The following ASB6 variants were observed in gnomAD, a reference collection of about 807,000 sequenced individuals.
The protein encoded by ASB6 is ankyrin repeat and SOCS box protein 6.
A neutral mutation model predicts 28.6 loss-of-function variants in ASB6; 24 were observed. The ratio of observed to expected loss-of-function variants is 0.84; its 90% confidence interval spans 0.61 to 1.18. ASB6 has a LOEUF of 1.18. Ranked by LOEUF, ASB6 falls within the 50% of genes most tolerant of loss-of-function variation. The pLI, the probability that ASB6 is intolerant of heterozygous loss-of-function variation, is 0.00. For synonymous variants in ASB6, 267 were observed against 243.4 expected (o/e 1.10, Z -0.90); for missense variants, 519 against 559.8 (o/e 0.93, Z 0.74).
intron 1 of ASB6, 25 bp downstream of exon 1, chr9:129,641,862 C>A: frequency 6.4e-7 from 1 of 1,569,680 alleles, no homozygotes; most frequent in Non-Finnish European, 8.6e-7. Flanking sequence ...CGGCCTCGGC[C>A]AGCTCACGGG....
Position 129,635,657 on chromosome 9 carries a change from A to C in ASB6, c.*2133T>G. ...GACCCGGCGGGGAGGGTGCTGCTGAACCAGCGGTGAGGCAGGAGCCCAGAC... is the reference window on the plus strand; with the variant it reads ...GACCCGGCGGGGAGGGTGCTGCTGACCCAGCGGTGAGGCAGGAGCCCAGAC... On this transcript the variant is annotated 3_prime_UTR_variant, in exon 6 of 6. Transcript: ENST00000277458. 5.9e-6 allele frequency: 4 copies of C among 679,302 alleles called. No individual in the cohort carries two copies. The highest frequency in any genetic ancestry group is 9.9e-6 in the Non-Finnish European group (4 of 404,070). The allele number at this position is 679,302 out of a possible 1,614,324, so 42.1% of individuals were successfully genotyped here. A position where few individuals can be genotyped will look rare whatever the true frequency, so the allele number is the denominator to read the frequency against.
In ASB6 at chr9:129,639,283, C is replaced by G; in HGVS notation, c.430G>C (p.Ala144Pro). Residue 144 changes from alanine to proline, a missense_variant, in exon 4 of 6, where the codon GCC (alanine) becomes CCC (proline). Coordinates refer to ENST00000277458, the MANE Select transcript of ASB6 (RefSeq NM_017873.4). ...GGCAGGCGCTCAGGCTCCTCGCTGG[C>G]CAGGTCCAAGGGGCTACTCTCGTGG... is the stretch of plus-strand genomic sequence containing the variant. ...RIHESSPLDL[A>P]SEEPERLPCL... The G allele has an allele frequency of 6.2e-7, 1 of 1,612,984 alleles. No individual in the cohort carries two copies. The highest frequency in any genetic ancestry group is 8.5e-7 in the Non-Finnish European group (1 of 1,179,508).
chr9:129,635,351 C>T lies in ASB6; in HGVS notation c.*2439G>A, dbSNP rs749337017. The T allele has an allele frequency of 3.7e-6, 6 of 1,613,746 alleles. No individual in the cohort carries two copies. The highest frequency in any genetic ancestry group is 1.3e-5 in the African/African-American group (1 of 74,944). Reference sequence around the variant, plus strand: ...CGTGGACAGCAGCGTGTGCCGGGACCTTGACGTGGTCCGCAGGATCATCTG... The same window carrying T: ...CGTGGACAGCAGCGTGTGCCGGGACTTTGACGTGGTCCGCAGGATCATCTG... On this transcript the variant is annotated 3_prime_UTR_variant, in exon 6 of 6. Coordinates refer to ENST00000277458, the MANE Select transcript of ASB6 (RefSeq NM_017873.4).
chr9:129,639,363 C>G (rs138255998), intron 3 of ASB6, 39 bp downstream of exon 3: 1 of 1,601,770 alleles, frequency 6.2e-7, no homozygotes, highest in East Asian at 2.2e-5. Context: ...CAGGCCCCTG[C>G]CCAACCCTGC....
intron 1 of ASB6, chr9:129,641,025 A>T: frequency 3.1e-6 from 1 of 325,296 alleles, no homozygotes; most frequent in Non-Finnish European, 5.7e-6. Context: ...CTGGGACTGA[A>T]GGGACCACCA....
At position 129,640,657 on chromosome 9, in the gene ASB6, G is replaced by A; in HGVS notation, c.179C>T (p.Ala60Val). The change falls in exon 2 of 6, where the codon GCC becomes GTC. Residue 60 changes from alanine (A) to valine (V), a missense_variant. Coordinates refer to ENST00000277458, the MANE Select transcript of ASB6 (RefSeq NM_017873.4). ...GCCTTCCTGGTAAAAGGGAGAGTGG[G>A]CTTTCCTCTCCAGCAGCTCAGTGAG... ...LVLTELLERK[A>V]HSPFYQEGVS... 1 of 1,614,182 alleles carries A rather than the reference G, an allele frequency of 6.2e-7. No homozygotes were observed. Among genetic ancestry groups the A allele is most frequent in the East Asian group, 2.2e-5 (1 of 44,894 alleles).
rs777914336 is a variant in ASB6 at position 129,638,223 on chromosome 9, C to T, written c.833G>A (p.Arg278His). Residue 278 changes from arginine (R) to histidine (H), a missense_variant, in exon 6 of 6, where the codon CGC becomes CAC. Transcript: ENST00000277458. ...KSFKLHFPLL[R>H]FLLESGAAYN... The stretch of plus-strand genomic sequence containing the variant: ...GGCGGCTCCGGACTCCAGGAGGAAG[C>T]GCAGGAGAGGGAAGTGCAGTTTAAA... The T allele has an allele frequency of 3.7e-6, 6 of 1,613,208 alleles. No individual in the cohort carries two copies. Among genetic ancestry groups the T allele is most frequent in the African/African-American group, 1.3e-5 (1 of 74,906 alleles).
In ASB6 at chr9:129,637,812, C is replaced by G; in HGVS notation, c.1244G>C (p.Gly415Ala). Residue 415 changes from glycine (G) to alanine (A), a missense_variant, in exon 6 of 6, where the codon GGC (glycine) becomes GCC (alanine). Transcript: ENST00000277458. ...CTATCAGATGTCATCTTCCACGGAG[C>G]CACTGTGCTCGCTAAGGAGGTACCA... ...LKWYLLSEHS[G>A]SVEDDI The G allele has an allele frequency of 6.6e-7, 1 of 1,514,414 alleles. No individual in the cohort carries two copies. The highest frequency in any genetic ancestry group is 8.8e-7 in the Non-Finnish European group (1 of 1,131,934). 93.8% of individuals were successfully genotyped at this position (1,514,414 alleles called of 1,614,324 possible).
rs1481980716 is a variant in ASB6 at position 129,635,563 on chromosome 9, G to A, written c.*2227C>T. On this transcript the variant is annotated 3_prime_UTR_variant, in exon 6 of 6. Coordinates refer to ENST00000277458, the MANE Select transcript of ASB6 (RefSeq NM_017873.4). Reference sequence around the variant, plus strand: ...GCCACGCTGGCGGTTCGTGAGTGTCGAGGCACCACTAAATATAGCTGTCTG... The same window carrying A: ...GCCACGCTGGCGGTTCGTGAGTGTCAAGGCACCACTAAATATAGCTGTCTG... 14 of 1,375,448 alleles carry A rather than the reference G, an allele frequency of 1.0e-5. No homozygotes were observed. Among genetic ancestry groups the A allele is most frequent in the South Asian group, 1.3e-5 (1 of 74,350 alleles). 85.2% of individuals were successfully genotyped at this position (1,375,448 alleles called of 1,614,324 possible). A position where few individuals can be genotyped will look rare whatever the true frequency, so the allele number is the denominator to read the frequency against.
At position 129,637,715 on chromosome 9, in the gene ASB6, C is replaced by T; in HGVS notation, c.*75G>A. On this transcript the variant is annotated 3_prime_UTR_variant, in exon 6 of 6. Transcript: ENST00000277458. ...TCTCCCAGATCAAAAAGACCCTCTT[C>T]TAATGCTGTCCCAGCATCTACCAAC... 7.2e-7 allele frequency: 1 copy of T among 1,387,518 alleles called. No homozygotes were observed. The highest frequency in any genetic ancestry group is 1.4e-5 in the African/African-American group (1 of 69,128). 86.0% of individuals were successfully genotyped at this position (1,387,518 alleles called of 1,614,324 possible). A position where few individuals can be genotyped will look rare whatever the true frequency, so the allele number is the denominator to read the frequency against.
chr9:129,639,946 G>C (rs543930476), intron 2 of ASB6, among the ~76,000 whole-genome samples: 2 of 152,262 alleles, frequency 1.3e-5, no homozygotes, highest in South Asian at 2.1e-4. Context: ...GCCCGTCTTC[G>C]GATGGGGAAA....
intron 4 of ASB6, 41 bp downstream of exon 4, chr9:129,639,161 T>A: frequency 6.4e-7 from 1 of 1,557,540 alleles, no homozygotes; most frequent in Non-Finnish European, 8.7e-7. Flanking sequence ...ACAAGGTGCC[T>A]GGGGGCCCAG....
At position 129,638,092 on chromosome 9, in the gene ASB6, G is replaced by T. The variant is rs761209551; in HGVS notation, c.964C>A (p.Leu322Ile). Reference protein sequence around the residue: ...GCTEDESHADLLRKAETVLDL... With the variant: ...GCTEDESHADILRKAETVLDL... Reference sequence around the variant, plus strand: ...AGGACAGTCTCAGCTTTGCGCAGGAGGTCCGCATGGCTCTCGTCTTCCGTG... The same window carrying T: ...AGGACAGTCTCAGCTTTGCGCAGGATGTCCGCATGGCTCTCGTCTTCCGTG... The change falls in exon 6 of 6, where the codon CTC becomes ATC. Residue 322 changes from leucine (L) to isoleucine (I), a missense_variant. By Grantham distance (5) the Leu-to-Ile change is conservative. Transcript: ENST00000277458. The T allele has an allele frequency of 1.5e-5, 25 of 1,614,102 alleles. No homozygotes were observed. The African/African-American group carries it at 2.4e-4, about 16-fold the overall frequency.
chr9:129,635,570 C>T lies in ASB6; in HGVS notation c.*2220G>A. ...TGGCGGTTCGTGAGTGTCGAGGCAC[C>T]ACTAAATATAGCTGTCTGCCGTCCA... On this transcript the variant is annotated 3_prime_UTR_variant, in exon 6 of 6. Coordinates refer to ENST00000277458, the MANE Select transcript of ASB6 (RefSeq NM_017873.4). 7.6e-7 allele frequency: 1 copy of T among 1,316,882 alleles called. No homozygotes were observed. Among genetic ancestry groups the T allele is most frequent in the Non-Finnish European group, 1.0e-6 (1 of 956,432 alleles). 81.6% of individuals were successfully genotyped at this position (1,316,882 alleles called of 1,614,324 possible).
chr9:129,639,803 C>T (rs1303828997), intron 2 of ASB6, among the ~76,000 whole-genome samples: 1 of 152,244 alleles, frequency 6.6e-6, no homozygotes, highest in Non-Finnish European at 1.5e-5. Flanking sequence ...CGCTACACAG[C>T]AGCTCTGGCG....
chr9:129,638,264 G>T lies in ASB6; in HGVS notation c.792C>A (p.His264Gln). The change falls in exon 6 of 6, where the codon CAC (histidine) becomes CAA (glutamine). Residue 264 changes from histidine to glutamine, a missense_variant. His to Gln is a conservative substitution (Grantham distance 24, BLOSUM62 0). Coordinates refer to ENST00000277458, the MANE Select transcript of ASB6 (RefSeq NM_017873.4). Reference sequence around the variant, plus strand: ...GCAGTTTAAAGCTCTTCAGGCAGATGTGGGTGAGGGACTCGTGGGCTGGGC... The same window carrying T: ...GCAGTTTAAAGCTCTTCAGGCAGATTTGGGTGAGGGACTCGTGGGCTGGGC... ...SECPAHESLT[H>Q]ICLKSFKLHF... The T allele has an allele frequency of 6.2e-7, 1 of 1,613,526 alleles. No individual in the cohort carries two copies. Among genetic ancestry groups the T allele is most frequent in the Non-Finnish European group, 8.5e-7 (1 of 1,180,016 alleles).
chr9:129,639,886 G>A (rs909394708), intron 2 of ASB6, among the ~76,000 whole-genome samples: 10 of 152,172 alleles, frequency 6.6e-5, no homozygotes, highest in African/African-American at 2.2e-4. Flanking sequence ...CTTCAGAACC[G>A]GCCCTCCCGT....
In ASB6 at chr9:129,637,975, G is replaced by A. The variant is rs764334444; in HGVS notation, c.1081C>T (p.Leu361Phe). The change falls in exon 6 of 6, where the codon CTC (leucine) becomes TTC (phenylalanine). Residue 361 changes from leucine (L) to phenylalanine (F), a missense_variant. Transcript: ENST00000277458. ...VGSLAEKIQALHFSLRQLESY... is the reference protein window; with the variant it reads ...VGSLAEKIQAFHFSLRQLESY... Reference sequence around the variant, plus strand: ...TCCAGCTGCCTCAAGGAGAAGTGGAGGGCCTGGATCTTTTCCGCCAGGCTG... The same window carrying A: ...TCCAGCTGCCTCAAGGAGAAGTGGAAGGCCTGGATCTTTTCCGCCAGGCTG... 18 of 1,605,096 alleles carry A rather than the reference G, an allele frequency of 1.1e-5. No individual in the cohort carries two copies. The highest frequency in any genetic ancestry group is 1.0e-4 in the Admixed American group (6 of 59,250).
intron 2 of ASB6, 41 bp from the exon 3 acceptor site, chr9:129,639,549 G>A (rs750855255): frequency 8.4e-6 from 13 of 1,552,584 alleles, no homozygotes; most frequent in African/African-American, 4.1e-5. Flanking sequence ...CTATCTGTCC[G>A]CATTCTTATG....
Sources: gnomAD v4.1 joint callset for allele counts (sites outside exome capture counted in the v4.1 genomes callset) on GRCh38, gnomAD v4.1.1 for gene constraint, MANE v1.5 for transcripts, NCBI Gene and HGNC (gene_info 2026-07-23, HGNC 2026-07-21) for gene names.